The following GRIK4 variants were observed in gnomAD, a reference collection of about 807,000 sequenced individuals.
The protein encoded by GRIK4 is glutamate ionotropic receptor kainate type subunit 4.
Under a neutral mutation model 104.9 loss-of-function variants are expected in GRIK4, and 40 were observed. The ratio of observed to expected loss-of-function variants is 0.38; its 90% CI spans 0.30 to 0.50. The LOEUF (loss-of-function observed/expected upper bound fraction) is 0.50, where lower values mean the gene tolerates loss of function less well. Ranked by LOEUF, GRIK4 falls within the 20% of genes least tolerant of loss-of-function variation. The pLI, the probability that GRIK4 is intolerant of heterozygous loss-of-function variation, is 0.93. For synonymous variants in GRIK4, 485 were observed against 524.9 expected (o/e 0.92, Z 1.04); for missense variants, 1,047 against 1,308.1 (o/e 0.80, Z 3.08).
intron 1 of GRIK4, among the ~76,000 whole-genome samples, chr11:120,581,309 A>C (rs1392639600): frequency 6.6e-6 from 1 of 152,208 alleles, no homozygotes; most frequent in Non-Finnish European, 1.5e-5. Flanking sequence ...CTTGACACAG[A>C]CACTTCCTTT....
intron 1 of GRIK4, among the ~76,000 whole-genome samples, chr11:120,629,558 G>C (rs1200530927): frequency 1.3e-5 from 2 of 152,010 alleles, no homozygotes. Flanking sequence ...TCTCTCCTCT[G>C]GGCCACATGG....
At chr11:120,620,210 T>TGAC in intron 1 of GRIK4, 1 of 787,208 alleles carries the variant, frequency 1.3e-6, no homozygotes. Flanking sequence ...GATATCAATT[T>TGAC]GACATACATG....
At chr11:120,828,069 G>A (rs1313541618) in intron 6 of GRIK4, among the ~76,000 whole-genome samples, 1 of 152,178 alleles carries the variant, frequency 6.6e-6, no homozygotes, top group East Asian at 1.9e-4. Context: ...GTGACATGGC[G>A]ACGGTTCCTG....
chr11:120,526,980 C>G (rs951304307), intron 1 of GRIK4, among the ~76,000 whole-genome samples: 2 of 152,256 alleles, frequency 1.3e-5, no homozygotes, highest in Non-Finnish European at 2.9e-5. Context: ...TGGTTGAACA[C>G]TTTAGGCAGA....
chr11:120,748,792 C>T (rs1293924698), intron 3 of GRIK4, among the ~76,000 whole-genome samples: 4 of 152,160 alleles, frequency 2.6e-5, no homozygotes, highest in Admixed American at 1.3e-4. Context: ...CACAGGACAG[C>T]GAATTGCCCA....
At chr11:120,581,184 A>G (rs749699050) in intron 1 of GRIK4, among the ~76,000 whole-genome samples, 2 of 152,198 alleles carry the variant, frequency 1.3e-5, no homozygotes, top group Non-Finnish European at 2.9e-5. Flanking sequence ...AGATTTGCAA[A>G]TAATTTCTCC....
At chr11:120,790,728 G>A (rs1952377215) in intron 3 of GRIK4, among the ~76,000 whole-genome samples, 1 of 152,190 alleles carries the variant, frequency 6.6e-6, no homozygotes, top group Admixed American at 6.5e-5. Flanking sequence ...AGACAGGGTA[G>A]ACATATTGCA....
chr11:120,698,917 T>C (rs1950503844), intron 3 of GRIK4, among the ~76,000 whole-genome samples: 1 of 152,236 alleles, frequency 6.6e-6, no homozygotes, highest in African/African-American at 2.4e-5. Context: ...TGGATTTCGT[T>C]GGTCCCCTGT....
chr11:120,600,051 G>A (rs779543229), intron 1 of GRIK4, among the ~76,000 whole-genome samples: 2 of 152,188 alleles, frequency 1.3e-5, no homozygotes, highest in South Asian at 2.1e-4. Flanking sequence ...CTTGCCATCC[G>A]CCCACTCTGC....
chr11:120,842,091 A>G (rs1953732365), intron 8 of GRIK4, among the ~76,000 whole-genome samples: 1 of 152,226 alleles, frequency 6.6e-6, no homozygotes, highest in Non-Finnish European at 1.5e-5. Flanking sequence ...TAAGATTTAA[A>G]AATTAGCAAC....
intron 3 of GRIK4, among the ~76,000 whole-genome samples, chr11:120,703,994 T>C (rs1486467861): frequency 6.6e-6 from 1 of 152,230 alleles, no homozygotes. Flanking sequence ...CACATAGTTT[T>C]AGTTTAGATT....
At position 120,544,079 on chromosome 11, in the gene GRIK4, T is replaced by G. The variant is rs192607743; in HGVS notation, c.-159+32192T>G. Among the ~76,000 whole-genome samples, 5 of 152,348 alleles carry G rather than the reference T, an allele frequency of 3.3e-5. No homozygotes were observed. The East Asian group carries it at 7.7e-4, about 23-fold the overall frequency. ...GCTGCATAGTGCCCATAGCTAACAA[T>G]ACTGTGTTCTATACTTAGAATTTGC... On this transcript the variant is annotated intron_variant, in intron 1 of 20. Transcript: ENST00000527524.
chr11:120,748,428 G>A (rs1006663387), intron 3 of GRIK4, among the ~76,000 whole-genome samples: 1 of 152,012 alleles, frequency 6.6e-6, no homozygotes, highest in African/African-American at 2.4e-5. Flanking sequence ...ATGAGAGTAG[G>A]GTGCTGCTGT....
At chr11:120,756,093 T>C (rs1951646245) in intron 3 of GRIK4, among the ~76,000 whole-genome samples, 1 of 152,190 alleles carries the variant, frequency 6.6e-6, no homozygotes, top group Non-Finnish European at 1.5e-5. Context: ...GGACTGATGC[T>C]ATCTGCCCCA....
At chr11:120,583,101 AT>A (rs1948610536) in intron 1 of GRIK4, among the ~76,000 whole-genome samples, 1 of 152,112 alleles carries the variant, frequency 6.6e-6, no homozygotes, top group South Asian at 2.1e-4. Flanking sequence ...TTCTCTAATG[AT>A]TCGTGATGTT....
intron 1 of GRIK4, among the ~76,000 whole-genome samples, chr11:120,578,717 A>T (rs1948521755): frequency 6.6e-6 from 1 of 152,246 alleles, no homozygotes; most frequent in Admixed American, 6.5e-5. Context: ...AGTCAGGCAG[A>T]GCTGAGGGTT....
intron 3 of GRIK4, among the ~76,000 whole-genome samples, chr11:120,775,639 A>G (rs1952028659): frequency 6.6e-6 from 1 of 152,244 alleles, no homozygotes; most frequent in Non-Finnish European, 1.5e-5. Context: ...GATTTTTACA[A>G]ATTATCCTAG....
chr11:120,723,899 AC>A (rs1381405699), intron 3 of GRIK4, among the ~76,000 whole-genome samples: 3 of 152,136 alleles, frequency 2.0e-5, no homozygotes, highest in Admixed American at 2.0e-4. Flanking sequence ...CAAGCATGTA[AC>A]CATCACCATA....
In GRIK4 at chr11:120,819,510, T is replaced by A. The variant is rs1317492214; in HGVS notation, c.346-245T>A. Among the ~76,000 whole-genome samples the A allele has an allele frequency of 6.6e-6, 1 of 152,228 alleles. No homozygotes were observed. Among genetic ancestry groups the A allele is most frequent in the Non-Finnish European group, 1.5e-5 (1 of 68,046 alleles). Reference sequence around the variant, plus strand: ...CCCAGCTTGCAGACCCACGGTGCATTCATCCGGGTCTCTGGACAAATAGTT... The same window carrying A: ...CCCAGCTTGCAGACCCACGGTGCATACATCCGGGTCTCTGGACAAATAGTT... On this transcript the variant is annotated intron_variant, in intron 5 of 20. Transcript: ENST00000527524. This position sits in a 1 kb window ranked among gnomAD's most constrained non-coding sequence, Gnocchi z 4.3.
Sources: allele counts gnomAD v4.1 joint callset (sites outside exome capture counted in the v4.1 genomes callset), GRCh38; gene constraint gnomAD v4.1.1; non-coding constraint Gnocchi (gnomAD v3.1); transcripts MANE v1.5; gene names NCBI Gene and HGNC (gene_info 2026-07-23, HGNC 2026-07-21).